Variants in DNAI4 observed in about 807,000 individuals in gnomAD.
DNAI4 encodes dynein axonemal intermediate chain 4.
A neutral mutation model predicts 105.8 loss-of-function variants in DNAI4; 85 were observed. That is an observed-to-expected ratio of 0.80 (90% CI 0.67 to 0.96). The LOEUF is 0.96. Ranked by LOEUF, DNAI4 falls within the 40% of genes least tolerant of loss-of-function variation. The probability of loss-of-function intolerance (pLI) is 0.00; values close to 1 mark genes in which losing one functional copy is unlikely to be tolerated. For missense variants in DNAI4, 1,014 were observed against 1,005.6 expected (o/e 1.01, Z -0.11); for synonymous variants, 352 against 331.5 (o/e 1.06, Z -0.67).
At chr1:66,822,663 C>A (rs1645656336) in intron 15 of DNAI4, 146 bp from the exon 16 acceptor site, 5 of 636,954 alleles carry the variant, frequency 7.8e-6, no homozygotes, top group African/African-American at 1.9e-5. Context: ...AATAACTGCT[C>A]CTCACTCCTT....
chr1:66,924,690 C>T lies in DNAI4; in HGVS notation c.142G>A (p.Gly48Ser). Residue 48 changes from glycine (G) to serine (S), a missense_variant, in exon 1 of 17, where the codon GGC becomes AGC. Transcript: ENST00000371026. ...LVATMPVSPA[G>S]SHKQQNFGLN... ...CCGAAGTTCTGCTGCTTGTGACTGC[C>T]TGCCGGAGAGACTGGCATGGTGGCG... 1 of 1,614,262 alleles carries T rather than the reference C, an allele frequency of 6.2e-7. No individual in the cohort carries two copies. The highest frequency in any genetic ancestry group is 8.5e-7 in the Non-Finnish European group (1 of 1,180,056).
At chr1:66,871,661 C>A in intron 5 of DNAI4, 152 bp from the exon 6 acceptor site, 1 of 716,728 alleles carries the variant, frequency 1.4e-6, no homozygotes, top group Non-Finnish European at 2.2e-6. Flanking sequence ...TAGGAAAAGA[C>A]TGCACTAAAT....
At chr1:66,868,232 T>G (rs1410955280) in intron 6 of DNAI4, among the ~76,000 whole-genome samples, 1 of 152,234 alleles carries the variant, frequency 6.6e-6, no homozygotes, top group Non-Finnish European at 1.5e-5. Flanking sequence ...GATTAGTCTA[T>G]ATTTTCTTTG....
chr1:66,815,947 C>T (rs1209265210), intron 16 of DNAI4, among the ~76,000 whole-genome samples: 3 of 152,148 alleles, frequency 2.0e-5, no homozygotes, highest in African/African-American at 7.2e-5. Flanking sequence ...CCATATCCTA[C>T]CACAAAAGTA....
chr1:66,821,803 C>T (rs75645971), intron 16 of DNAI4, among the ~76,000 whole-genome samples: 19,761 of 151,652 alleles, frequency 0.13, 1,531 homozygotes, highest in East Asian at 0.22. Context: ...ACAATCTAAA[C>T]ATAAGAAATA....
intron 5 of DNAI4, among the ~76,000 whole-genome samples, chr1:66,871,749 T>C (rs1646851897): frequency 6.6e-6 from 1 of 152,242 alleles, no homozygotes; most frequent in South Asian, 2.1e-4. Context: ...AATAACATGC[T>C]AGTACTAACT....
intron 1 of DNAI4, among the ~76,000 whole-genome samples, chr1:66,923,353 G>C (rs1650697493): frequency 6.6e-6 from 1 of 152,156 alleles, no homozygotes; most frequent in African/African-American, 2.4e-5. Flanking sequence ...AAGTACACTA[G>C]AAGATATTTG....
intron 7 of DNAI4, among the ~76,000 whole-genome samples, chr1:66,849,454 G>A (rs1048409791): frequency 6.6e-6 from 1 of 152,306 alleles, no homozygotes; most frequent in African/African-American, 2.4e-5. Flanking sequence ...TAAAATGGAA[G>A]TTTAGAAAAG....
intron 6 of DNAI4, among the ~76,000 whole-genome samples, chr1:66,870,595 C>G (rs1296163240): frequency 6.7e-6 from 1 of 149,748 alleles, no homozygotes; most frequent in African/African-American, 2.5e-5. Context: ...TATAAAAATA[C>G]AAAAATTCGC....
intron 16 of DNAI4, among the ~76,000 whole-genome samples, chr1:66,815,978 G>A (rs1645506898): frequency 6.6e-6 from 1 of 152,026 alleles, no homozygotes; most frequent in Non-Finnish European, 1.5e-5. Context: ...TGCTGTCATC[G>A]GGAAGGGGCC....
At chr1:66,851,104 T>C (rs979646836) in intron 7 of DNAI4, among the ~76,000 whole-genome samples, 21 of 151,844 alleles carry the variant, frequency 1.4e-4, no homozygotes, top group African/African-American at 5.1e-4. Context: ...CTACAATAAA[T>C]TTATTTCAAA....
intron 6 of DNAI4, among the ~76,000 whole-genome samples, chr1:66,862,905 T>C (rs1646658206): frequency 6.6e-6 from 1 of 152,238 alleles, no homozygotes; most frequent in Non-Finnish European, 1.5e-5. Context: ...TTATGATTAA[T>C]ACATAATATA....
At chr1:66,860,581 T>A (rs1646604904) in intron 7 of DNAI4, 1 of 152,154 alleles carries the variant, frequency 6.6e-6, no homozygotes, top group Non-Finnish European at 1.5e-5. Flanking sequence ...AAAGTATATC[T>A]TTATTTTCTA....
intron 7 of DNAI4, among the ~76,000 whole-genome samples, chr1:66,855,516 G>A (rs1646482363): frequency 1.3e-5 from 2 of 152,076 alleles, no homozygotes; most frequent in Non-Finnish European, 2.9e-5. Context: ...TAAAGAAATG[G>A]AGAAAGATAT....
Position 66,812,976 on chromosome 1 carries a change from A to G in DNAI4, c.*1154T>C, listed in dbSNP as rs764693249. 37 of 152,340 alleles carry G rather than the reference A, an allele frequency of 2.4e-4. No homozygotes were observed. Among genetic ancestry groups the G allele is most frequent in the Non-Finnish European group, 5.0e-4 (34 of 68,028 alleles). The allele number at this position is 152,340 out of a possible 1,614,324, so 9.4% of individuals were successfully genotyped here. A position where few individuals can be genotyped will look rare whatever the true frequency, so the allele number is the denominator to read the frequency against. On this transcript the variant is annotated 3_prime_UTR_variant, in exon 17 of 17. Coordinates refer to ENST00000371026, the MANE Select transcript of DNAI4 (RefSeq NM_024763.5). Reference sequence around the variant, plus strand: ...AAAGACAAAAACAAAGATAATCACAATGACATACCAGTGGAAAATTTATAA... The same window carrying G: ...AAAGACAAAAACAAAGATAATCACAGTGACATACCAGTGGAAAATTTATAA...
chr1:66,834,287 T>C (rs1645934873), intron 11 of DNAI4, 139 bp from the exon 12 acceptor site: 1 of 603,212 alleles, frequency 1.7e-6, no homozygotes. Flanking sequence ...AAATAGACTT[T>C]TATTTTAAAT....
rs954728164 is a variant in DNAI4 at position 66,830,775 on chromosome 1, T to C, written c.2013+2810A>G. Among the ~76,000 whole-genome samples, 12 of 149,364 alleles carry C rather than the reference T, an allele frequency of 8.0e-5. 1 individual carries two copies. The highest frequency in any genetic ancestry group is 2.7e-4 in the African/African-American group (11 of 40,572). On this transcript the variant is annotated intron_variant, in intron 13 of 16. Transcript: ENST00000371026. ...CAACCTGGACTATAGGGTGAGACCC[T>C]GTCTCAAAAAAAAATAAATAAATAA...
chr1:66,882,956 CT>C (rs1647107802), intron 4 of DNAI4, among the ~76,000 whole-genome samples: 1 of 151,612 alleles, frequency 6.6e-6, no homozygotes, highest in Non-Finnish European at 1.5e-5. Flanking sequence ...TTTTTTACTT[CT>C]TTCTTCCCTG....
intron 5 of DNAI4, 93 bp downstream of exon 5, chr1:66,874,688 A>G (rs1360641222): frequency 3.7e-6 from 5 of 1,346,194 alleles, no homozygotes; most frequent in Admixed American, 2.4e-5. Flanking sequence ...TATACCCCAG[A>G]ACCCCCAAGG....
Sources: gnomAD v4.1 joint callset for allele counts (sites outside exome capture counted in the v4.1 genomes callset) on GRCh38, gnomAD v4.1.1 for gene constraint, MANE v1.5 for transcripts, NCBI Gene and HGNC (gene_info 2026-07-23, HGNC 2026-07-21) for gene names.